Variants in TRABD2B observed in about 807,000 individuals in gnomAD.
TRABD2B encodes metalloprotease TIKI2.
In TRABD2B, 14 loss-of-function variants were observed where a neutral mutation model predicts 40.1. The observed-to-expected ratio is 0.35, with a 90% CI of 0.23 to 0.55. The LOEUF (loss-of-function observed/expected upper bound fraction) is 0.55, where lower values mean the gene tolerates loss of function less well. Among genes scored for constraint, TRABD2B ranks in the 20% least tolerant of loss-of-function variants. The probability of loss-of-function intolerance (pLI) is 0.90; values close to 1 mark genes in which losing one functional copy is unlikely to be tolerated. For synonymous variants in TRABD2B, 263 were observed against 277.0 expected (o/e 0.95, Z 0.50); for missense variants, 541 against 648.6 (o/e 0.83, Z 1.80).
In TRABD2B at chr1:47,805,216, C is replaced by G. The variant is rs570866474; in HGVS notation, c.667-3597G>C. On this transcript the variant is annotated intron_variant, in intron 2 of 6. Transcript: ENST00000606738. ...ACATGGCTGGATTTCCAGATGTCCA[C>G]AGGCACAGCCCACATTCATCCACAC... Among the ~76,000 whole-genome samples the G allele has an allele frequency of 2.6e-5, 4 of 152,038 alleles. No homozygotes were observed. In the East Asian group the frequency reaches 7.7e-4, roughly 29 times the overall value.
At position 47,835,806 on chromosome 1, in the gene TRABD2B, C is replaced by T. The variant is rs183209060; in HGVS notation, c.667-34187G>A. Among the ~76,000 whole-genome samples the T allele has an allele frequency of 1.9e-3, 286 of 152,176 alleles. 2 individuals carry two copies. The highest frequency in any genetic ancestry group is 6.0e-3 in the African/African-American group (248 of 41,512). On this transcript the variant is annotated intron_variant, in intron 2 of 6. Transcript: ENST00000606738. ...GCTGAAATGAAAGGACACTAGACAG[C>T]GACATAAACCCAGGAAGAAATAAAG...
At position 47,760,577 on chromosome 1, in the gene TRABD2B, T is replaced by C. The variant is rs1465319350; in HGVS notation, c.*5325A>G. On this transcript the variant is annotated 3_prime_UTR_variant, in exon 7 of 7. Coordinates refer to ENST00000606738, the MANE Select transcript of TRABD2B (RefSeq NM_001194986.2). ...ATATATTATGCTACAAAAATATTTT[T>C]GGCAAAATAACATTAATAGCATCTT... The C allele has an allele frequency of 1.3e-5, 2 of 152,236 alleles. No homozygotes were observed. The highest frequency in any genetic ancestry group is 2.9e-5 in the Non-Finnish European group (2 of 68,044). 9.4% of individuals were successfully genotyped at this position (152,236 alleles called of 1,614,324 possible).
At chr1:47,869,720 G>A (rs567082027) in intron 2 of TRABD2B, among the ~76,000 whole-genome samples, 5 of 152,328 alleles carry the variant, frequency 3.3e-5, no homozygotes, top group South Asian at 2.1e-4. Context: ...ATCAGATAGC[G>A]CTCAAAATCG....
At chr1:47,983,431 T>C (rs1356853068) in intron 2 of TRABD2B, among the ~76,000 whole-genome samples, 1 of 152,052 alleles carries the variant, frequency 6.6e-6, no homozygotes, top group African/African-American at 2.4e-5. Context: ...AAACCCTCTG[T>C]GACAGTAGTT....
chr1:47,969,085 A>C (rs1645644160), intron 2 of TRABD2B, among the ~76,000 whole-genome samples: 1 of 152,150 alleles, frequency 6.6e-6, no homozygotes, highest in Non-Finnish European at 1.5e-5. Context: ...TTCTCAACCC[A>C]AGATTTCAGG....
intron 2 of TRABD2B, among the ~76,000 whole-genome samples, chr1:47,867,939 G>A (rs1032946449): frequency 6.6e-6 from 1 of 152,176 alleles, no homozygotes. Flanking sequence ...AATTTTGGAG[G>A]CCTGAAATGG....
rs116471954 is a variant in TRABD2B at position 47,875,021 on chromosome 1, G to C, written c.667-73402C>G. Among the ~76,000 whole-genome samples, 698 of 152,174 alleles carry C rather than the reference G, an allele frequency of 4.6e-3. 6 individuals carry two copies. Among genetic ancestry groups the C allele is most frequent in the African/African-American group, 0.017 (686 of 41,514 alleles). On this transcript the variant is annotated intron_variant, in intron 2 of 6. Transcript: ENST00000606738. Reference sequence around the variant, plus strand: ...ACACACTTGCTCATAGTGACTTCAAGATCCTGGTGGGGTTTTGGCGAAGGA... The same window carrying C: ...ACACACTTGCTCATAGTGACTTCAACATCCTGGTGGGGTTTTGGCGAAGGA...
chr1:47,962,227 G>A (rs1019434824), intron 2 of TRABD2B, among the ~76,000 whole-genome samples: 1 of 151,256 alleles, frequency 6.6e-6, no homozygotes, highest in African/African-American at 2.4e-5. Context: ...GTGGGGGGAT[G>A]GGGGAGGGAT....
chr1:47,832,390 G>A (rs764584105), intron 2 of TRABD2B, among the ~76,000 whole-genome samples: 2 of 152,074 alleles, frequency 1.3e-5, no homozygotes, highest in Non-Finnish European at 2.9e-5. Context: ...CACAGGGGAG[G>A]CACATCATCT....
At chr1:47,955,600 A>G (rs995096645) in intron 2 of TRABD2B, among the ~76,000 whole-genome samples, 2 of 152,172 alleles carry the variant, frequency 1.3e-5, no homozygotes, top group African/African-American at 2.4e-5. Flanking sequence ...ATCATGCCCA[A>G]GCCCACCTGA....
intron 2 of TRABD2B, among the ~76,000 whole-genome samples, chr1:47,919,447 G>T (rs1221888753): frequency 6.6e-6 from 1 of 152,162 alleles, no homozygotes; most frequent in Non-Finnish European, 1.5e-5. Flanking sequence ...CCCTGTTGGG[G>T]GTAACAGGAA....
intron 2 of TRABD2B, among the ~76,000 whole-genome samples, chr1:47,869,544 C>T (rs1005541751): frequency 6.6e-6 from 1 of 152,204 alleles, no homozygotes; most frequent in South Asian, 2.1e-4. Context: ...TGCAGTCTCC[C>T]AGGTTCAGAG....
chr1:47,919,720 T>G (rs998553802), intron 2 of TRABD2B, among the ~76,000 whole-genome samples: 1 of 152,230 alleles, frequency 6.6e-6, no homozygotes, highest in Non-Finnish European at 1.5e-5. Flanking sequence ...CCCATGTCAG[T>G]TCCTGTGCCT....
At chr1:47,933,073 G>A (rs919708760) in intron 2 of TRABD2B, among the ~76,000 whole-genome samples, 6 of 151,494 alleles carry the variant, frequency 4.0e-5, no homozygotes, top group African/African-American at 7.3e-5. Flanking sequence ...TCTCCTTGGC[G>A]TTCAGAGCCC....
chr1:47,985,106 C>T (rs151333297), intron 2 of TRABD2B, among the ~76,000 whole-genome samples: 101 of 152,308 alleles, frequency 6.6e-4, no homozygotes, highest in African/African-American at 2.2e-3. Flanking sequence ...ATACAGTTGA[C>T]ATGAGAAAAC....
In TRABD2B at chr1:47,828,747, T is replaced by C. The variant is rs139810570; in HGVS notation, c.667-27128A>G. Among the ~76,000 whole-genome samples, 499 of 152,194 alleles carry C rather than the reference T, an allele frequency of 3.3e-3. 6 individuals are homozygous for C. The highest frequency in any genetic ancestry group is 0.011 in the African/African-American group (472 of 41,532). ...GACTGAATTTAACCCAATAGCAACA[T>C]TGGGTGAGCCTCAACATTAAGCACC... On this transcript the variant is annotated intron_variant, in intron 2 of 6. Coordinates refer to ENST00000606738, the MANE Select transcript of TRABD2B (RefSeq NM_001194986.2).
chr1:47,867,701 G>A (rs980208110), intron 2 of TRABD2B, among the ~76,000 whole-genome samples: 5 of 151,876 alleles, frequency 3.3e-5, no homozygotes, highest in Non-Finnish European at 1.5e-5. Flanking sequence ...TTTAACTTTC[G>A]TCCTTTATGA....
chr1:47,874,811 T>C (rs1333202026), intron 2 of TRABD2B, among the ~76,000 whole-genome samples: 2 of 151,584 alleles, frequency 1.3e-5, no homozygotes, highest in African/African-American at 2.4e-5. Context: ...CTCCAATTCC[T>C]GGTCTCAGGT....
chr1:47,955,279 T>G (rs1318768404), intron 2 of TRABD2B, among the ~76,000 whole-genome samples: 35 of 152,200 alleles, frequency 2.3e-4, no homozygotes, highest in Non-Finnish European at 2.9e-5. Context: ...CTCCCGCTGT[T>G]TCTAGTCACC....
Sources: allele counts gnomAD v4.1 joint callset (sites outside exome capture counted in the v4.1 genomes callset), GRCh38; gene constraint gnomAD v4.1.1; transcripts MANE v1.5; gene names NCBI Gene and HGNC (gene_info 2026-07-23, HGNC 2026-07-21).